The following PTPRD variants were observed in gnomAD, a reference collection of about 807,000 sequenced individuals.
PTPRD encodes the protein receptor-type tyrosine-protein phosphatase delta.
A neutral mutation model predicts 214.5 loss-of-function variants in PTPRD; 34 were observed. The observed-to-expected ratio is 0.16, with a 90% CI of 0.12 to 0.21. The LOEUF (loss-of-function observed/expected upper bound fraction) is 0.21. Ranked by LOEUF, PTPRD falls within the 10% of genes least tolerant of loss-of-function variation. The pLI, the probability that PTPRD is intolerant of heterozygous loss-of-function variation, is 1.00. For synonymous variants in PTPRD, 1,128 were observed against 845.7 expected, an observed-to-expected ratio of 1.33 and a Z score of -5.79; for missense variants, 2,545 against 2,398.7, an observed-to-expected ratio of 1.06 and a Z score of -1.27.
At chr9:10,081,264 G>C (rs1408873841) in intron 3 of PTPRD, among the ~76,000 whole-genome samples, 1 of 151,954 alleles carries the variant, frequency 6.6e-6, no homozygotes, top group Non-Finnish European at 1.5e-5. Context: ...TCAAGATTCT[G>C]ATACACATCA....
At chr9:9,186,631 CCT>C (rs141616035) in intron 9 of PTPRD, among the ~76,000 whole-genome samples, 28,310 of 140,576 alleles carry the variant, frequency 0.2, 2,812 homozygotes, top group South Asian at 0.3. Context: ...TCTGTCTCTC[CCT>C]CTCTCTCTCT....
At chr9:10,187,573 G>A (rs2099343628) in intron 3 of PTPRD, among the ~76,000 whole-genome samples, 1 of 152,172 alleles carries the variant, frequency 6.6e-6, no homozygotes, top group African/African-American at 2.4e-5. Context: ...GTGAGTATCT[G>A]TAAGGTTACT....
At chr9:9,575,365 T>C (rs1276093185) in intron 7 of PTPRD, among the ~76,000 whole-genome samples, 1 of 152,094 alleles carries the variant, frequency 6.6e-6, no homozygotes, top group Non-Finnish European at 1.5e-5. Context: ...CTAGTTATTA[T>C]TATTGTCTTT....
intron 11 of PTPRD, among the ~76,000 whole-genome samples, chr9:8,891,550 C>T (rs937807257): frequency 2.2e-4 from 33 of 151,788 alleles, no homozygotes; most frequent in African/African-American, 5.8e-4. Context: ...AAGTTAGCAG[C>T]GTACAATTTG....
At chr9:9,515,222 G>C (rs1322807511) in intron 8 of PTPRD, among the ~76,000 whole-genome samples, 3 of 152,128 alleles carry the variant, frequency 2.0e-5, no homozygotes, top group East Asian at 1.9e-4. Flanking sequence ...GCTTGTATGA[G>C]TGTCTGCCTC....
chr9:9,909,460 T>C (rs562245925), intron 5 of PTPRD, among the ~76,000 whole-genome samples: 35 of 123,516 alleles, frequency 2.8e-4, no homozygotes, highest in African/African-American at 1.0e-3. Flanking sequence ...AAAATGACAG[T>C]TGAAAAAAAG....
At chr9:10,206,984 A>G (rs2099485978) in intron 3 of PTPRD, among the ~76,000 whole-genome samples, 1 of 152,260 alleles carries the variant, frequency 6.6e-6, no homozygotes, top group East Asian at 1.9e-4. Flanking sequence ...CATTTTGTAA[A>G]ACTGAGGTCA....
intron 30 of PTPRD, among the ~76,000 whole-genome samples, chr9:8,480,126 CAGTGTGTATAGAATATAT>C (rs1342126563): frequency 6.6e-6 from 1 of 152,162 alleles, no homozygotes; most frequent in African/African-American, 2.4e-5. Context: ...CCTGACAAAA[CAGTGTGTATAGAATATAT>C]ATTTGTTGGA....
chr9:9,538,947 A>C (rs2077041197), intron 8 of PTPRD, among the ~76,000 whole-genome samples: 1 of 151,836 alleles, frequency 6.6e-6, no homozygotes, highest in Non-Finnish European at 1.5e-5. Context: ...AGTACTTCCT[A>C]GTGCCAGACA....
chr9:10,308,834 A>T (rs866357907), intron 3 of PTPRD, among the ~76,000 whole-genome samples: 1 of 152,160 alleles, frequency 6.6e-6, no homozygotes, highest in East Asian at 1.9e-4. Context: ...CTGCACAGAA[A>T]TATCAGAATT....
At chr9:9,783,891 G>T (rs2154492024) in intron 5 of PTPRD, among the ~76,000 whole-genome samples, 1 of 148,884 alleles carries the variant, frequency 6.7e-6, no homozygotes, top group East Asian at 2.0e-4. Flanking sequence ...TATCAGCTCA[G>T]TGCATACGCA....
At chr9:10,483,439 A>G (rs1028834244) in intron 2 of PTPRD, among the ~76,000 whole-genome samples, 13 of 152,110 alleles carry the variant, frequency 8.5e-5, no homozygotes, top group African/African-American at 3.1e-4. Flanking sequence ...ACCTACTTAA[A>G]CTAAAAAAGT....
intron 4 of PTPRD, among the ~76,000 whole-genome samples, chr9:9,947,530 A>T (rs1029847921): frequency 2.9e-4 from 5 of 17,316 alleles, no homozygotes; most frequent in Admixed American, 1.3e-3. Context: ...TATTATATAT[A>T]TTTTATATAT....
chr9:10,506,125 G>T (rs1282454306), intron 2 of PTPRD, among the ~76,000 whole-genome samples: 1 of 152,086 alleles, frequency 6.6e-6, no homozygotes, highest in Non-Finnish European at 1.5e-5. Context: ...TTTCATAGAA[G>T]AATGTAAAGA....
chr9:9,672,373 A>C (rs535739095), intron 7 of PTPRD, among the ~76,000 whole-genome samples: 1 of 152,148 alleles, frequency 6.6e-6, no homozygotes, highest in Non-Finnish European at 1.5e-5. Context: ...ATCTACATTT[A>C]GGTATTGGTT....
intron 2 of PTPRD, among the ~76,000 whole-genome samples, chr9:10,545,613 T>A (rs778328879): frequency 2.6e-5 from 4 of 152,146 alleles, no homozygotes; most frequent in African/African-American, 9.7e-5. Context: ...TACTCAAAAA[T>A]AAGTTATGCA....
intron 6 of PTPRD, among the ~76,000 whole-genome samples, chr9:9,763,402 T>C (rs997680758): frequency 1.3e-5 from 2 of 152,156 alleles, no homozygotes; most frequent in African/African-American, 4.8e-5. Flanking sequence ...ATAATATATA[T>C]GTATTAAAGG....
At chr9:8,862,680 C>T (rs190174552) in intron 11 of PTPRD, among the ~76,000 whole-genome samples, 1 of 152,254 alleles carries the variant, frequency 6.6e-6, no homozygotes, top group African/African-American at 2.4e-5. Context: ...TCTTTTTCCA[C>T]GTGAAAAAAA....
chr9:10,582,462 T>C (rs112195419), intron 2 of PTPRD, among the ~76,000 whole-genome samples: 3,416 of 152,324 alleles, frequency 0.022, 54 homozygotes, highest in South Asian at 0.063. Flanking sequence ...CTGTATATTT[T>C]GTTAGCTTGT....
Sources: gnomAD v4.1 joint callset for allele counts (sites outside exome capture counted in the v4.1 genomes callset) on GRCh38, gnomAD v4.1.1 for gene constraint, MANE v1.5 for transcripts, NCBI Gene and HGNC (gene_info 2026-07-23, HGNC 2026-07-21) for gene names.